MCC: variants seen among roughly 807,000 people sequenced by gnomAD.
MCC encodes MCC regulator of Wnt signaling pathway.
A neutral mutation model predicts 116.2 loss-of-function variants in MCC; 90 were observed. The ratio of observed to expected loss-of-function variants is 0.77; its 90% CI spans 0.65 to 0.92. The LOEUF (loss-of-function observed/expected upper bound fraction) is 0.92. Ranked by LOEUF, MCC falls within the 40% of genes least tolerant of loss-of-function variation. The pLI is 0.00. For synonymous variants in MCC, 578 were observed against 510.5 expected, an observed-to-expected ratio of 1.13 and a Z score of -1.78; for missense variants, 1,516 against 1,312.2, an observed-to-expected ratio of 1.16 and a Z score of -2.40.
In MCC at chr5:113,310,875, T is replaced by G. The variant is rs1373482866; in HGVS notation, c.627+29644A>C. Among the ~76,000 whole-genome samples, 2 of 152,220 alleles carry G rather than the reference T, an allele frequency of 1.3e-5. 1 individual carries two copies. Among genetic ancestry groups the G allele is most frequent in the East Asian group, 3.8e-4 (2 of 5,202 alleles). On this transcript the variant is annotated intron_variant, in intron 3 of 18. Coordinates refer to ENST00000408903, the MANE Select transcript of MCC (RefSeq NM_001085377.2). The stretch of plus-strand genomic sequence containing the variant: ...GAGACAACTGCATTAAATTAATGCT[T>G]TTTCATATTCCATCCTTCCTTCATT...
At chr5:113,048,992 A>C (rs778937428) in intron 16 of MCC, 101 bp downstream of exon 16, 40 of 1,117,214 alleles carry the variant, frequency 3.6e-5, no homozygotes, top group Non-Finnish European at 4.9e-5. Flanking sequence ...TGCAAATACA[A>C]GAACTGAGGC....
intron 1 of MCC, among the ~76,000 whole-genome samples, chr5:113,403,062 C>A (rs746484677): frequency 3.9e-5 from 6 of 152,084 alleles, no homozygotes; most frequent in Non-Finnish European, 7.4e-5. Context: ...TTGGCAGCAT[C>A]TTGTACTTAC....
At chr5:113,270,806 GC>G (rs1458933641) in intron 3 of MCC, among the ~76,000 whole-genome samples, 3 of 151,568 alleles carry the variant, frequency 2.0e-5, no homozygotes, top group African/African-American at 7.3e-5. Flanking sequence ...ATAGATCCGT[GC>G]TTTTTAAATC....
At chr5:113,296,868 C>T (rs149853296) in intron 3 of MCC, among the ~76,000 whole-genome samples, 5 of 152,110 alleles carry the variant, frequency 3.3e-5, no homozygotes, top group East Asian at 1.9e-4. Flanking sequence ...ATTTTTCATA[C>T]GACTCTACCC....
intron 6 of MCC, among the ~76,000 whole-genome samples, chr5:113,112,540 G>A (rs1232704738): frequency 6.6e-6 from 1 of 152,230 alleles, no homozygotes; most frequent in African/African-American, 2.4e-5. Flanking sequence ...CTGTGGAACT[G>A]TGAATCAATT....
chr5:113,146,475 A>C (rs981291291), intron 4 of MCC, among the ~76,000 whole-genome samples: 8 of 151,318 alleles, frequency 5.3e-5, no homozygotes, highest in African/African-American at 1.5e-4. Context: ...GCCTCTGTGA[A>C]CTCTAGGGAG....
At chr5:113,069,837 C>T (rs1462715501) in intron 12 of MCC, among the ~76,000 whole-genome samples, 4 of 152,334 alleles carry the variant, frequency 2.6e-5, no homozygotes, top group East Asian at 1.9e-4. Flanking sequence ...CCGCCCGCCT[C>T]GGCCTCCTAA....
At chr5:113,042,846 G>A (rs1055904292) in intron 17 of MCC, among the ~76,000 whole-genome samples, 3 of 151,592 alleles carry the variant, frequency 2.0e-5, no homozygotes, top group Non-Finnish European at 4.4e-5. Context: ...GACATATTAT[G>A]TTAAATAAAA....
At chr5:113,054,895 T>G (rs751596117) in intron 14 of MCC, among the ~76,000 whole-genome samples, 6 of 152,186 alleles carry the variant, frequency 3.9e-5, no homozygotes, top group Non-Finnish European at 8.8e-5. Context: ...TCTGGCCTTT[T>G]CCAGCAGTGG....
intron 3 of MCC, among the ~76,000 whole-genome samples, chr5:113,265,179 C>T (rs1765375640): frequency 6.6e-6 from 1 of 152,160 alleles, no homozygotes. Context: ...CTAAGTAGCC[C>T]TTAACAGAAA....
At chr5:113,371,640 A>G (rs1301855556) in intron 2 of MCC, among the ~76,000 whole-genome samples, 1 of 152,250 alleles carries the variant, frequency 6.6e-6, no homozygotes, top group Non-Finnish European at 1.5e-5. Context: ...GCAAACTTAA[A>G]TGGATCAACT....
At chr5:113,383,753 C>T (rs1561545868) in intron 2 of MCC, among the ~76,000 whole-genome samples, 1 of 152,074 alleles carries the variant, frequency 6.6e-6, no homozygotes, top group Non-Finnish European at 1.5e-5. Flanking sequence ...CATTACCAGA[C>T]ATCTGATTTG....
rs373730711 is a variant in MCC at position 113,084,154 on chromosome 5, C to T, written c.1582G>A (p.Glu528Lys). 4.4e-5 allele frequency: 71 copies of T among 1,614,160 alleles called. No individual in the cohort carries two copies. In the South Asian group the frequency reaches 5.6e-4, roughly 13 times the overall value. ...ERVKLSKTRSESSSSDRPVLG... is the reference protein window; with the variant it reads ...ERVKLSKTRSKSSSSDRPVLG... ...ACTGGCCGATCAGATGATGACGATT[C>T]GGACCTTGTCTTTGATAGCTTCACC... Residue 528 changes from glutamate to lysine, a missense_variant, in exon 10 of 19, where the codon GAA becomes AAA. Physicochemically the swap from Glu to Lys is moderately conservative, Grantham distance 56 (BLOSUM62 1). Coordinates refer to ENST00000408903, the MANE Select transcript of MCC (RefSeq NM_001085377.2).
intron 3 of MCC, among the ~76,000 whole-genome samples, chr5:113,259,232 A>G (rs1765132676): frequency 6.6e-6 from 1 of 152,210 alleles, no homozygotes; most frequent in South Asian, 2.1e-4. Flanking sequence ...AGAGGAATGC[A>G]TTTATTTGCC....
intron 3 of MCC, among the ~76,000 whole-genome samples, chr5:113,249,493 G>A (rs1019362476): frequency 6.6e-6 from 1 of 152,170 alleles, no homozygotes; most frequent in Non-Finnish European, 1.5e-5. Context: ...TTTTACGTCT[G>A]CCAAACATAT....
chr5:113,189,700 C>T (rs1762063075), intron 3 of MCC, among the ~76,000 whole-genome samples: 1 of 152,188 alleles, frequency 6.6e-6, no homozygotes, highest in African/African-American at 2.4e-5. Context: ...AGGCTGGCTC[C>T]AAGTGCTCAG....
intron 1 of MCC, among the ~76,000 whole-genome samples, chr5:113,388,640 AT>A (rs1211210710): frequency 6.6e-6 from 1 of 152,172 alleles, no homozygotes; most frequent in Non-Finnish European, 1.5e-5. Context: ...TTCCGCCATG[AT>A]TGGAAGTGTC....
intron 8 of MCC, among the ~76,000 whole-genome samples, chr5:113,088,504 C>T (rs1317579202): frequency 5.3e-5 from 8 of 151,304 alleles, no homozygotes; most frequent in South Asian, 4.3e-4. Flanking sequence ...ACTAAATTAA[C>T]GATCTCAAGG....
chr5:113,077,450 A>G (rs949178911), intron 11 of MCC, among the ~76,000 whole-genome samples: 4 of 152,240 alleles, frequency 2.6e-5, no homozygotes, highest in African/African-American at 9.6e-5. Flanking sequence ...AATTATAACA[A>G]ACTGTCTCTC....
Sources: gnomAD v4.1 joint callset for allele counts (sites outside exome capture counted in the v4.1 genomes callset) on GRCh38, gnomAD v4.1.1 for gene constraint, MANE v1.5 for transcripts, NCBI Gene and HGNC (gene_info 2026-07-23, HGNC 2026-07-21) for gene names.